The following CC2D2A variants were observed in gnomAD, a reference collection of about 807,000 sequenced individuals.
The protein encoded by CC2D2A is coiled-coil and C2 domain-containing protein 2A.
In CC2D2A, 155 loss-of-function variants were observed where a neutral mutation model predicts 212.9. The ratio of observed to expected loss-of-function variants is 0.73; its 90% confidence interval spans 0.64 to 0.83. The LOEUF (loss-of-function observed/expected upper bound fraction) is 0.83. Ranked by LOEUF, CC2D2A falls within the 40% of genes least tolerant of loss-of-function variation. The probability of loss-of-function intolerance (pLI) is 0.00; values close to 1 mark genes in which losing one functional copy is unlikely to be tolerated. For missense variants in CC2D2A, 1,856 were observed against 1,956.2 expected, an observed-to-expected ratio of 0.95 and a Z score of 0.97; for synonymous variants, 667 against 686.5, an observed-to-expected ratio of 0.97 and a Z score of 0.44.
At chr4:15,525,627 A>G (rs1309137371) in intron 11 of CC2D2A, among the ~76,000 whole-genome samples, 1 of 152,180 alleles carries the variant, frequency 6.6e-6, no homozygotes, top group Admixed American at 6.5e-5. Flanking sequence ...GATACAAAAG[A>G]CCAGTGGAAG....
intron 26 of CC2D2A, among the ~76,000 whole-genome samples, chr4:15,568,121 A>G (rs1719983474): frequency 2.0e-5 from 3 of 152,226 alleles, no homozygotes; most frequent in Admixed American, 2.0e-4. Context: ...TGTCCCCTCA[A>G]GTAAATCTGA....
At chr4:15,551,747 G>A (rs574988783) in intron 18 of CC2D2A, among the ~76,000 whole-genome samples, 2 of 151,966 alleles carry the variant, frequency 1.3e-5, no homozygotes, top group East Asian at 3.9e-4. Context: ...TTAAATATTA[G>A]GTATCTGATC....
In CC2D2A at chr4:15,559,159, T is replaced by C. The variant is rs1406436850; in HGVS notation, c.2830-6T>C. Reference sequence around the variant, plus strand: ...CTTTAAAATCATTGCCTCTTTTTAATTTTAGGACTATGAGAAACGGTTACG... The same window carrying C: ...CTTTAAAATCATTGCCTCTTTTTAACTTTAGGACTATGAGAAACGGTTACG... On this transcript the variant is annotated splice_region_variant and splice_polypyrimidine_tract_variant and intron_variant, in intron 21 of 36. Transcript: ENST00000424120. 2.0e-6 allele frequency: 3 copies of C among 1,527,776 alleles called. No homozygotes were observed. Among genetic ancestry groups the C allele is most frequent in the Non-Finnish European group, 2.7e-6 (3 of 1,130,760 alleles). 94.6% of individuals were successfully genotyped at this position (1,527,776 alleles called of 1,614,324 possible).
Position 15,597,446 on chromosome 4 carries a change from G to T in CC2D2A, c.4477G>T (p.Ala1493Ser), listed in dbSNP as rs1320752809. 1 of 1,553,468 alleles carries T rather than the reference G, an allele frequency of 6.4e-7. No individual in the cohort carries two copies. Among genetic ancestry groups the T allele is most frequent in the African/African-American group, 1.4e-5 (1 of 73,296 alleles). Reference protein sequence around the residue: ...LIYQRSDKAAAAELQDRIEKI... With the variant: ...LIYQRSDKAASAELQDRIEKI... Reference sequence around the variant, plus strand: ...TTACCAGCGCTCAGACAAAGCAGCTGCAGCTGAGCTACAAGACAGGTAACA... The same window carrying T: ...TTACCAGCGCTCAGACAAAGCAGCTTCAGCTGAGCTACAAGACAGGTAACA... The change falls in exon 35 of 37, where the codon GCA becomes TCA. Residue 1493 changes from alanine to serine, a missense_variant. By Grantham distance (99) the Ala-to-Ser change is moderately conservative (BLOSUM62 1). Transcript: ENST00000424120.
intron 31 of CC2D2A, among the ~76,000 whole-genome samples, chr4:15,587,369 T>C (rs1163303332): frequency 1.3e-5 from 2 of 152,206 alleles, no homozygotes; most frequent in African/African-American, 4.8e-5. Context: ...CTGGGGACCC[T>C]TGCTCTAGAG....
chr4:15,478,250 T>C (rs1367557534), intron 2 of CC2D2A, among the ~76,000 whole-genome samples: 1 of 152,260 alleles, frequency 6.6e-6, no homozygotes, highest in African/African-American at 2.4e-5. Flanking sequence ...TGATGTAACA[T>C]GTATCATTAT....
chr4:15,588,172 C>T (rs1023833649), intron 32 of CC2D2A, among the ~76,000 whole-genome samples: 9 of 152,144 alleles, frequency 5.9e-5, no homozygotes, highest in African/African-American at 2.2e-4. Flanking sequence ...CTTTACCATC[C>T]AAAGCCCCCA....
Position 15,597,464 on chromosome 4 carries a change from A to C in CC2D2A, c.4495A>C (p.Arg1499=), listed in dbSNP as rs1261681601. Residue 1499 remains arginine, a splice_region_variant and synonymous_variant, in exon 35 of 37, where the codon AGG becomes CGG. Transcript: ENST00000424120. ...AGCAGCTGCAGCTGAGCTACAAGAC[A>C]GGTAACATAACATCCATAAATCCAC... The part of the protein sequence containing the change: ...DKAAAAELQD[R]IEKILKEKIM... 1.3e-6 allele frequency: 2 copies of C among 1,552,438 alleles called. No individual in the cohort carries two copies. Among genetic ancestry groups the C allele is most frequent in the African/African-American group, 1.4e-5 (1 of 73,276 alleles).
rs766203266 is a variant in CC2D2A, at chr4:15,601,223, T to A, written c.4675-14T>A. 7.2e-5 allele frequency: 116 copies of A among 1,604,260 alleles called. No individual in the cohort carries two copies. The highest frequency in any genetic ancestry group is 9.5e-5 in the Non-Finnish European group (112 of 1,173,440). ...CAAACTTCACTAATGACTACAAATG[T>A]TTTTTCCCTTCAGTTCTCTGGATTT... On this transcript the variant is annotated splice_polypyrimidine_tract_variant and intron_variant, in intron 36 of 36. Coordinates refer to ENST00000424120, the MANE Select transcript of CC2D2A (RefSeq NM_001378615.1).
At chr4:15,572,823 T>C (rs1215327212) in intron 28 of CC2D2A, among the ~76,000 whole-genome samples, 1 of 152,068 alleles carries the variant, frequency 6.6e-6, no homozygotes, top group Non-Finnish European at 1.5e-5. Flanking sequence ...GTAGGGAAGC[T>C]GACAGTGCAG....
chr4:15,498,322 T>G (rs1027268252), intron 4 of CC2D2A, among the ~76,000 whole-genome samples: 3 of 152,246 alleles, frequency 2.0e-5, no homozygotes, highest in African/African-American at 7.2e-5. Flanking sequence ...CCTAAAATTC[T>G]GTCATTATCC....
Position 15,586,198 on chromosome 4 carries a change from T to A in CC2D2A, c.4017T>A (p.Pro1339=). Residue 1339 remains proline, a synonymous_variant, in exon 31 of 37, where the codon CCT becomes CCA. Transcript: ENST00000424120. ...ATGTGTCCTTGATTCCCTTCTTGCC[T>A]GACACTGTCTCATTTGGTGGTATCT... ...ARYVSLIPFL[P]DTVSFGGICD... 1 of 1,609,738 alleles carries A rather than the reference T, an allele frequency of 6.2e-7. No individual in the cohort carries two copies. The highest frequency in any genetic ancestry group is 1.1e-5 in the South Asian group (1 of 90,572).
intron 20 of CC2D2A, among the ~76,000 whole-genome samples, chr4:15,555,536 C>T (rs1334650122): frequency 6.6e-6 from 1 of 152,150 alleles, no homozygotes; most frequent in Non-Finnish European, 1.5e-5. Flanking sequence ...CCCAAGAGTT[C>T]GAAACCAGTC....
At chr4:15,576,527 G>T (rs1577389973) in intron 29 of CC2D2A, 3 of 215,712 alleles carry the variant, frequency 1.4e-5, no homozygotes, top group East Asian at 1.8e-4. Context: ...TGTTAAAAAT[G>T]TTTTTTTAAA....
chr4:15,580,658 A>G (rs965762578), intron 30 of CC2D2A, among the ~76,000 whole-genome samples: 5 of 145,534 alleles, frequency 3.4e-5, no homozygotes, highest in African/African-American at 1.3e-4. Context: ...AAAAAAAAAA[A>G]AGTCTAAAGG....
At chr4:15,552,557 C>T (rs1249747324) in intron 18 of CC2D2A, among the ~76,000 whole-genome samples, 2 of 152,196 alleles carry the variant, frequency 1.3e-5, no homozygotes, top group South Asian at 4.1e-4. Context: ...CTAAGTATTT[C>T]TCTTAGTATA....
At chr4:15,478,428 T>C (rs1188600688) in intron 2 of CC2D2A, among the ~76,000 whole-genome samples, 2 of 152,218 alleles carry the variant, frequency 1.3e-5, no homozygotes, top group Non-Finnish European at 2.9e-5. Context: ...CCCAAGAGCA[T>C]GGAACATAGT....
At chr4:15,488,404 G>C (rs1715122626) in intron 4 of CC2D2A, among the ~76,000 whole-genome samples, 1 of 152,094 alleles carries the variant, frequency 6.6e-6, no homozygotes, top group South Asian at 2.1e-4. Flanking sequence ...ATTCCTTCAT[G>C]ACCTATAAGG....
Position 15,475,919 on chromosome 4 carries a change from C to G in CC2D2A, c.-14C>G. The G allele has an allele frequency of 6.3e-7, 1 of 1,580,658 alleles. No homozygotes were observed. Among genetic ancestry groups the G allele is most frequent in the Non-Finnish European group, 8.6e-7 (1 of 1,162,180 alleles). On this transcript the variant is annotated 5_prime_UTR_variant, in exon 2 of 37. Coordinates refer to ENST00000424120, the MANE Select transcript of CC2D2A (RefSeq NM_001378615.1). Reference sequence around the variant, plus strand: ...TTCTTCATTGTTCTTTGTCAGGGACCCATCCCAGCCAAAATGAATCCCAGG... The same window carrying G: ...TTCTTCATTGTTCTTTGTCAGGGACGCATCCCAGCCAAAATGAATCCCAGG...
Sources: gnomAD v4.1 joint callset for allele counts (sites outside exome capture counted in the v4.1 genomes callset) on GRCh38, gnomAD v4.1.1 for gene constraint, MANE v1.5 for transcripts, NCBI Gene and HGNC (gene_info 2026-07-23, HGNC 2026-07-21) for gene names.